RBM19: variants seen among roughly 807,000 people sequenced by gnomAD.
RBM19 encodes probable RNA-binding protein 19.
RBM19 carries 94 observed loss-of-function variants against 116.8 expected under a neutral mutation model. The observed-to-expected ratio is 0.80, with a 90% confidence interval of 0.68 to 0.95. RBM19 has a LOEUF of 0.95. Among genes scored for constraint, RBM19 ranks in the 40% least tolerant of loss-of-function variants. The pLI is 0.00. For missense variants in RBM19, 1,161 were observed against 1,220.7 expected (o/e 0.95, Z 0.73); for synonymous variants, 475 against 494.1 (o/e 0.96, Z 0.51).
At chr12:113,892,770 G>A (rs1163064577) in intron 21 of RBM19, among the ~76,000 whole-genome samples, 1 of 152,016 alleles carries the variant, frequency 6.6e-6, no homozygotes, top group Non-Finnish European at 1.5e-5. Context: ...CACCCTCCTC[G>A]CCCTCCCCTG....
intron 18 of RBM19, among the ~76,000 whole-genome samples, chr12:113,921,058 C>G (rs1868515128): frequency 6.6e-6 from 1 of 152,198 alleles, no homozygotes; most frequent in African/African-American, 2.4e-5. Flanking sequence ...CACGTAATGC[C>G]TAAAATGAAT....
chr12:113,920,305 G>A (rs1171039462), intron 19 of RBM19, among the ~76,000 whole-genome samples: 1 of 152,180 alleles, frequency 6.6e-6, no homozygotes, highest in African/African-American at 2.4e-5. Context: ...TCCATGGCCT[G>A]TCTACCCCAC....
intron 21 of RBM19, among the ~76,000 whole-genome samples, chr12:113,911,884 A>G (rs148434893): frequency 6.6e-6 from 1 of 152,276 alleles, no homozygotes; most frequent in Non-Finnish European, 1.5e-5. Flanking sequence ...TGTTACTACC[A>G]CTAGTTTATG....
At chr12:113,830,802 T>G (rs1875347588) in intron 23 of RBM19, among the ~76,000 whole-genome samples, 1 of 152,160 alleles carries the variant, frequency 6.6e-6, no homozygotes, top group Non-Finnish European at 1.5e-5. Flanking sequence ...TAGGGTTTGG[T>G]CCACATTAGT....
chr12:113,955,823 A>C (rs1566041823), intron 6 of RBM19, among the ~76,000 whole-genome samples: 1 of 152,236 alleles, frequency 6.6e-6, no homozygotes, highest in Non-Finnish European at 1.5e-5. Context: ...CATGCGTTGC[A>C]GAAATGTGAC....
intron 11 of RBM19, among the ~76,000 whole-genome samples, chr12:113,946,816 G>A (rs967467902): frequency 6.6e-6 from 1 of 152,210 alleles, no homozygotes; most frequent in Non-Finnish European, 1.5e-5. Flanking sequence ...GGCCAGGTCT[G>A]GCCTGATGGC....
At chr12:113,826,540 G>A (rs1874870062) in intron 23 of RBM19, among the ~76,000 whole-genome samples, 1 of 152,186 alleles carries the variant, frequency 6.6e-6, no homozygotes, top group South Asian at 2.1e-4. Context: ...TCACATGACG[G>A]AGACACCTGC....
At chr12:113,837,817 C>T (rs753116782) in intron 23 of RBM19, among the ~76,000 whole-genome samples, 2 of 152,202 alleles carry the variant, frequency 1.3e-5, no homozygotes, top group South Asian at 2.1e-4. Flanking sequence ...TGCGACAGTA[C>T]AGTAAATTGA....
chr12:113,858,689 G>T, intron 22 of RBM19, 102 bp downstream of exon 22: 3 of 1,064,884 alleles, frequency 2.8e-6, no homozygotes, highest in Admixed American at 3.8e-5. Flanking sequence ...ACACCTGCAT[G>T]GGGAGGTGAC....
intron 21 of RBM19, among the ~76,000 whole-genome samples, chr12:113,871,700 C>T (rs1243044210): frequency 6.6e-6 from 1 of 152,224 alleles, no homozygotes; most frequent in Non-Finnish European, 1.5e-5. Flanking sequence ...CTATTTAGGA[C>T]AGGGGCAAAC....
intron 18 of RBM19, among the ~76,000 whole-genome samples, chr12:113,923,108 T>C (rs981568664): frequency 2.6e-5 from 4 of 152,198 alleles, no homozygotes; most frequent in Non-Finnish European, 5.9e-5. Flanking sequence ...CACTCCAGCC[T>C]GGGTGACAGA....
intron 23 of RBM19, among the ~76,000 whole-genome samples, chr12:113,837,090 C>T (rs1455774006): frequency 7.0e-6 from 1 of 143,396 alleles, no homozygotes; most frequent in African/African-American, 2.9e-5. Flanking sequence ...TACATACATA[C>T]ATACATACAT....
chr12:113,886,262 A>G (rs1029156762), intron 21 of RBM19, among the ~76,000 whole-genome samples: 5 of 152,056 alleles, frequency 3.3e-5, no homozygotes, highest in Middle Eastern at 3.2e-3. Flanking sequence ...CCTCCAGAGT[A>G]GTTGGGACTA....
At chr12:113,863,374 A>G (rs978488536) in intron 21 of RBM19, among the ~76,000 whole-genome samples, 1 of 152,104 alleles carries the variant, frequency 6.6e-6, no homozygotes, top group Non-Finnish European at 1.5e-5. Flanking sequence ...TCCCTCCCTG[A>G]CTGAAGCGAC....
chr12:113,901,909 GC>G (rs143955757), intron 21 of RBM19, among the ~76,000 whole-genome samples: 8,710 of 152,156 alleles, frequency 0.057, 840 homozygotes, highest in African/African-American at 0.2. Flanking sequence ...GCAGGAAATG[GC>G]CTTTTTCTAA....
At position 113,927,240 on chromosome 12, in the gene RBM19, A is replaced by G; in HGVS notation, c.2069-11T>C. ...TTTCGCCATCAGGCACTGAACCCCC[A>G]TCAAAACAAAAACAAAAACAAAAAC... On this transcript the variant is annotated splice_polypyrimidine_tract_variant and intron_variant, in intron 16 of 23. Transcript: ENST00000261741. 1 of 1,544,802 alleles carries G rather than the reference A, an allele frequency of 6.5e-7. No homozygotes were observed. Among genetic ancestry groups the G allele is most frequent in the Non-Finnish European group, 8.7e-7 (1 of 1,145,686 alleles).
intron 21 of RBM19, among the ~76,000 whole-genome samples, chr12:113,902,642 A>G (rs12099651): frequency 0.057 from 8,658 of 151,560 alleles, 844 homozygotes; most frequent in African/African-American, 0.2. Context: ...ATGGAATCAC[A>G]CAGTATGTCA....
chr12:113,962,450 A>G (rs754573945), intron 1 of RBM19, 36 bp from the exon 2 acceptor site: 1 of 1,587,192 alleles, frequency 6.3e-7, no homozygotes, highest in South Asian at 1.1e-5. Flanking sequence ...GACGAACTGG[A>G]AAGTCCCCAG....
intron 21 of RBM19, among the ~76,000 whole-genome samples, chr12:113,871,654 A>G (rs989643860): frequency 6.6e-6 from 1 of 152,228 alleles, no homozygotes; most frequent in Non-Finnish European, 1.5e-5. Context: ...TCAAAACATG[A>G]TATTAAAACC....
Sources: allele counts gnomAD v4.1 joint callset (sites outside exome capture counted in the v4.1 genomes callset), GRCh38; gene constraint gnomAD v4.1.1; transcripts MANE v1.5; gene names NCBI Gene and HGNC (gene_info 2026-07-23, HGNC 2026-07-21).